ARRB1: variants seen among roughly 807,000 people sequenced by gnomAD.
ARRB1 encodes the protein arrestin beta 1.
Under a neutral mutation model 56.8 loss-of-function variants are expected in ARRB1, and 21 were observed. The observed-to-expected ratio is 0.37, with a 90% CI of 0.26 to 0.53. The LOEUF (loss-of-function observed/expected upper bound fraction) is 0.53, where lower values mean the gene tolerates loss of function less well. Among genes scored for constraint, ARRB1 ranks in the 20% least tolerant of loss-of-function variants. The probability of loss-of-function intolerance (pLI) is 0.88; values close to 1 mark genes in which losing one functional copy is unlikely to be tolerated. For synonymous variants in ARRB1, 210 were observed against 218.6 expected, an observed-to-expected ratio of 0.96 and a Z score of 0.35; for missense variants, 424 against 553.7, an observed-to-expected ratio of 0.77 and a Z score of 2.35.
Position 75,277,446 on chromosome 11 carries a change from G to T in ARRB1, c.621C>A (p.Ile207=), listed in dbSNP as rs1353070977. The T allele has an allele frequency of 6.2e-7, 1 of 1,614,108 alleles. No individual in the cohort carries two copies. The highest frequency in any genetic ancestry group is 1.1e-5 in the South Asian group (1 of 91,082). Residue 207 remains isoleucine, a splice_region_variant and synonymous_variant, in exon 9 of 16, where the codon ATC becomes ATA. Transcript: ENST00000420843. ...CGCTGATGGGTTCTCCATGGTAATA[G>T]ATCTGGGGGGCATAAGAAGGGACGG... ...LHLEASLDKE[I]YYHGEPISVN...
chr11:75,298,362 A>G (rs187693273), intron 1 of ARRB1, among the ~76,000 whole-genome samples: 2 of 152,246 alleles, frequency 1.3e-5, no homozygotes, highest in African/African-American at 2.4e-5. Context: ...AAACAGGTGA[A>G]TCACCCATTT....
chr11:75,270,593 C>G (rs373604340), intron 13 of ARRB1, among the ~76,000 whole-genome samples: 1 of 151,296 alleles, frequency 6.6e-6, no homozygotes, highest in Admixed American at 6.6e-5. Flanking sequence ...TGCCACTGCA[C>G]TCCAGCCTAC....
In ARRB1 at chr11:75,351,645, G is replaced by T. The variant is rs1166067886; in HGVS notation, c.-38C>A. On this transcript the variant is annotated 5_prime_UTR_variant, in exon 1 of 16. Coordinates refer to ENST00000420843, the MANE Select transcript of ARRB1 (RefSeq NM_004041.5). ...TCGCAGGGAGGTCCGCGGCGTCAGC[G>T]CCCAGGCTGGAAAATCCCCAGCCAG... is the stretch of plus-strand genomic sequence containing the variant. 16 of 1,350,652 alleles carry T rather than the reference G, an allele frequency of 1.2e-5. No homozygotes were observed. In the Admixed American group the frequency reaches 4.0e-4, roughly 34 times the overall value. 83.7% of individuals were successfully genotyped at this position (1,350,652 alleles called of 1,614,324 possible).
intron 1 of ARRB1, among the ~76,000 whole-genome samples, chr11:75,320,048 C>T (rs1486960004): frequency 6.6e-6 from 1 of 152,216 alleles, no homozygotes; most frequent in Admixed American, 6.5e-5. Flanking sequence ...CCAAAGTCCC[C>T]CCCAGAGCAG....
chr11:75,283,500 G>A lies in ARRB1; in HGVS notation c.158-17C>T, dbSNP rs765973299. Reference sequence around the variant, plus strand: ...TCACATAGACTGTGGGGAGCGAGGAGCACTGAGGAGGGGCCTGGGAGAGCA... The same window carrying A: ...TCACATAGACTGTGGGGAGCGAGGAACACTGAGGAGGGGCCTGGGAGAGCA... On this transcript the variant is annotated splice_polypyrimidine_tract_variant and intron_variant, in intron 4 of 15. Coordinates refer to ENST00000420843, the MANE Select transcript of ARRB1 (RefSeq NM_004041.5). The A allele has an allele frequency of 5.0e-6, 8 of 1,587,944 alleles. No homozygotes were observed. The highest frequency in any genetic ancestry group is 1.8e-4 in the Middle Eastern group (1 of 5,482).
intron 15 of ARRB1, among the ~76,000 whole-genome samples, 179 bp downstream of exon 15, chr11:75,267,473 G>T (rs1231160985): frequency 1.3e-5 from 2 of 152,192 alleles, no homozygotes; most frequent in East Asian, 3.9e-4. Context: ...AGGCACGGAG[G>T]GTCCTTCAAG....
rs763854622 is a variant in ARRB1, at chr11:75,260,845, C to T, written c.*5318G>A. 4 of 152,148 alleles carry T rather than the reference C, an allele frequency of 2.6e-5. No individual in the cohort carries two copies. Among genetic ancestry groups the T allele is most frequent in the African/African-American group, 4.8e-5 (2 of 41,416 alleles). The allele number at this position is 152,148 out of a possible 1,614,324, so 9.4% of individuals were successfully genotyped here. On this transcript the variant is annotated 3_prime_UTR_variant, in exon 16 of 16. Coordinates refer to ENST00000420843, the MANE Select transcript of ARRB1 (RefSeq NM_004041.5). ...CTGCCCTCAAAGGAGGGACTTTTGT[C>T]ATAAAATCCTCCCTGAGTCTGTCTT...
chr11:75,350,766 C>T lies in ARRB1; in HGVS notation c.20+822G>A, dbSNP rs1220842558. On this transcript the variant is annotated intron_variant, in intron 1 of 15. Coordinates refer to ENST00000420843, the MANE Select transcript of ARRB1 (RefSeq NM_004041.5). Reference sequence around the variant, plus strand: ...GGATGGGATCTATTTGGATGAAATGCGATCTGTTTTCCCCAGGCTGGGGGT... The same window carrying T: ...GGATGGGATCTATTTGGATGAAATGTGATCTGTTTTCCCCAGGCTGGGGGT... Among the ~76,000 whole-genome samples the T allele has an allele frequency of 3.9e-5, 6 of 152,326 alleles. No individual in the cohort carries two copies. The East Asian group carries it at 1.2e-3, about 29-fold the overall frequency.
chr11:75,288,800 G>C (rs371056182), intron 2 of ARRB1, among the ~76,000 whole-genome samples: 10 of 152,036 alleles, frequency 6.6e-5, no homozygotes, highest in African/African-American at 2.2e-4. Flanking sequence ...ATTTTTAGTA[G>C]AGACAGGGTT....
intron 13 of ARRB1, chr11:75,269,263 C>A (rs1946017794): frequency 6.7e-6 from 4 of 598,816 alleles, no homozygotes; most frequent in Non-Finnish European, 9.4e-6. Context: ...GCAGCATGCA[C>A]CGTGGTCACT....
At chr11:75,270,599 C>T (rs991368837) in intron 13 of ARRB1, among the ~76,000 whole-genome samples, 7 of 151,392 alleles carry the variant, frequency 4.6e-5, no homozygotes, top group African/African-American at 1.5e-4. Context: ...TGCACTCCAG[C>T]CTACCCGACA....
intron 1 of ARRB1, among the ~76,000 whole-genome samples, chr11:75,301,490 C>T (rs1353289029): frequency 3.3e-5 from 5 of 152,202 alleles, no homozygotes; most frequent in Admixed American, 2.6e-4. Context: ...GGGAGCCATG[C>T]ACATTTGAGG....
intron 1 of ARRB1, among the ~76,000 whole-genome samples, chr11:75,306,078 G>A (rs1485506624): frequency 2.0e-5 from 3 of 152,056 alleles, no homozygotes; most frequent in East Asian, 3.9e-4. Flanking sequence ...ACCCTCACAA[G>A]AAGCACCAAA....
chr11:75,339,018 G>A (rs1176658052), intron 1 of ARRB1, among the ~76,000 whole-genome samples: 1 of 152,156 alleles, frequency 6.6e-6, no homozygotes, highest in African/African-American at 2.4e-5. Flanking sequence ...AAGGGGAGGG[G>A]AGAACCCCAG....
chr11:75,306,872 C>T (rs1432497745), intron 1 of ARRB1, among the ~76,000 whole-genome samples: 1 of 152,196 alleles, frequency 6.6e-6, no homozygotes, highest in Non-Finnish European at 1.5e-5. Flanking sequence ...AGGGTCTCCC[C>T]AAGGATGGTG....
intron 1 of ARRB1, among the ~76,000 whole-genome samples, chr11:75,321,274 C>A (rs1236411022): frequency 1.4e-5 from 2 of 147,308 alleles, no homozygotes; most frequent in East Asian, 2.1e-4. Flanking sequence ...CACCCCCCCC[C>A]ACCACCATCC....
chr11:75,281,357 C>CA (rs1946333544), intron 6 of ARRB1, among the ~76,000 whole-genome samples: 1 of 152,156 alleles, frequency 6.6e-6, no homozygotes, highest in African/African-American at 2.4e-5. Context: ...CATCTCGAAC[C>CA]ACCCAAACGG....
chr11:75,327,933 T>A (rs1947467862), intron 1 of ARRB1, among the ~76,000 whole-genome samples: 1 of 152,116 alleles, frequency 6.6e-6, no homozygotes, highest in African/African-American at 2.4e-5. Context: ...CAAGACCCTG[T>A]CTCTACAAAT....
At position 75,308,151 on chromosome 11, in the gene ARRB1, C is replaced by T. The variant is rs1947072400; in HGVS notation, c.21-18112G>A. 5.9e-5 allele frequency among the ~76,000 whole-genome samples: 9 copies of T among 152,244 alleles called. No individual in the cohort carries two copies. In the South Asian group the frequency reaches 1.9e-3, roughly 31 times the overall value. ...GCAACTTCCACAGTCATCTTTCCTA[C>T]TCACGGCAGCTCCAGGGAACTGCTA... On this transcript the variant is annotated intron_variant, in intron 1 of 15. Coordinates refer to ENST00000420843, the MANE Select transcript of ARRB1 (RefSeq NM_004041.5).
Sources: allele counts gnomAD v4.1 joint callset (sites outside exome capture counted in the v4.1 genomes callset), GRCh38; gene constraint gnomAD v4.1.1; transcripts MANE v1.5; gene names NCBI Gene and HGNC (gene_info 2026-07-23, HGNC 2026-07-21).